Variants in SETD9 observed in about 807,000 individuals in gnomAD.
SETD9 encodes the protein SET domain-containing protein 9.
In SETD9, 37 loss-of-function variants were observed where a neutral mutation model predicts 36.4. The ratio of observed to expected loss-of-function variants is 1.02; its 90% CI spans 0.78 to 1.34. The LOEUF (loss-of-function observed/expected upper bound fraction) is 1.34, where lower values mean the gene tolerates loss of function less well. Among genes scored for constraint, SETD9 ranks in the 40% most tolerant of loss-of-function variants. SETD9 has a pLI of 0.00. For synonymous variants in SETD9, 128 were observed against 132.9 expected (o/e 0.96, Z 0.26); for missense variants, 323 against 353.2 (o/e 0.91, Z 0.69).
intron 2 of SETD9, among the ~76,000 whole-genome samples, chr5:56,912,605 A>G (rs1749195788): frequency 6.6e-6 from 1 of 152,214 alleles, no homozygotes; most frequent in Non-Finnish European, 1.5e-5. Context: ...AAGGAGAAAC[A>G]GCCTTAATGT....
intron 1 of SETD9, chr5:56,910,801 G>A (rs1299462479): frequency 5.5e-6 from 1 of 182,190 alleles, no homozygotes; most frequent in African/African-American, 2.4e-5. Flanking sequence ...CTTGGCTGTT[G>A]GGTGTAGTAC....
At chr5:56,918,995 AAAT>A (rs537960977), downstream of SETD9, among the ~76,000 whole-genome samples, 93 of 152,346 alleles carry the variant, frequency 6.1e-4, no homozygotes, top group Admixed American at 9.8e-4. Context: ...GTAGTCTGTC[AAAT>A]AATAATAATA....
Position 56,911,167 on chromosome 5 carries a change from A to G in SETD9, c.99-2A>G, listed in dbSNP as rs1579807174. On this transcript the variant is annotated splice_acceptor_variant, in intron 1 of 5. Transcript: ENST00000285947. LOFTEE classifies it high-confidence loss of function. Reference sequence around the variant, plus strand: ...GTGAATAGAAACTTTTCCCATTTTCAGGACCCTCCGATATGTTCCAGAGGA... The same window carrying G: ...GTGAATAGAAACTTTTCCCATTTTCGGGACCCTCCGATATGTTCCAGAGGA... 6.5e-7 allele frequency: 1 copy of G among 1,527,396 alleles called. No individual in the cohort carries two copies. The highest frequency in any genetic ancestry group is 8.8e-7 in the Non-Finnish European group (1 of 1,142,390). 94.6% of individuals were successfully genotyped at this position (1,527,396 alleles called of 1,614,324 possible). A position where few individuals can be genotyped will look rare whatever the true frequency, so the allele number is the denominator to read the frequency against.
At chr5:56,926,065 T>A (rs75022492), downstream of SETD9, among the ~76,000 whole-genome samples, 3,288 of 152,114 alleles carry the variant, frequency 0.022, 126 homozygotes, top group African/African-American at 0.076. Flanking sequence ...GAAATGAATC[T>A]AGACATAGAC....
intron 1 of SETD9, chr5:56,910,321 T>C: frequency 7.7e-7 from 1 of 1,304,288 alleles, no homozygotes. Flanking sequence ...GAGAATAGCG[T>C]GCAGTAGCTC....
At chr5:56,927,686 T>TA (rs544577286), downstream of SETD9, among the ~76,000 whole-genome samples, 154 of 152,252 alleles carry the variant, frequency 1.0e-3, no homozygotes, top group African/African-American at 3.1e-3. Flanking sequence ...GTGTATCTGT[T>TA]AAAAAAATCA....
rs764581243 is a variant in SETD9, at chr5:56,916,837, G to A, written c.835G>A (p.Val279Ile). 5 of 1,607,048 alleles carry A rather than the reference G, an allele frequency of 3.1e-6. No individual in the cohort carries two copies. The African/African-American group carries it at 5.4e-5, about 17-fold the overall frequency. Residue 279 changes from valine to isoleucine, a missense_variant, in exon 6 of 6, where the codon GTC becomes ATC. Val to Ile is a conservative substitution (Grantham distance 29). Coordinates refer to ENST00000285947, the MANE Select transcript of SETD9 (RefSeq NM_153706.4). ...KQSPLRCVVL[V>I]ALRDINQGEE... ...CAGCCCACTTCGATGTGTTGTTCTT[G>A]TCGCACTTAGGGACATCAATCAAGG...
chr5:56,923,372 A>G lies in SETD9; in HGVS notation c.813-1961A>G, dbSNP rs146937136. On this transcript the variant is annotated intron_variant, in intron 5 of 5. Coordinates refer to the SETD9 transcript ENST00000628593. ...TGGTCTCTCTGACTCTTCACTGCAC[A>G]TGTTCATAGGGTTTAGCTCCGAGTG... 5.0e-6 allele frequency: 8 copies of G among 1,614,172 alleles called. No individual in the cohort carries two copies. The African/African-American group carries it at 5.3e-5, about 11-fold the overall frequency.
At chr5:56,919,763 T>C (rs1749578380), downstream of SETD9, 1 of 152,624 alleles carries the variant, frequency 6.6e-6, no homozygotes, top group African/African-American at 2.4e-5. Context: ...GTTCTGATTG[T>C]CACTAATTTA....
Position 56,914,978 on chromosome 5 carries a change from A to G in SETD9, c.812+12A>G, listed in dbSNP as rs760742326. 4.5e-6 allele frequency: 7 copies of G among 1,570,476 alleles called. No individual in the cohort carries two copies. Among genetic ancestry groups the G allele is most frequent in the Non-Finnish European group, 6.1e-6 (7 of 1,148,368 alleles). On this transcript the variant is annotated intron_variant, in intron 5 of 5. Transcript: ENST00000285947. ...TATGACAAACAAAGGTTCGTTTGCT[A>G]AAAGAGCATTTCATATCTTCTGCTT... is the stretch of plus-strand genomic sequence containing the variant.
At chr5:56,910,393 G>C (rs754519925) in intron 1 of SETD9, 3 of 1,303,914 alleles carry the variant, frequency 2.3e-6, no homozygotes, top group South Asian at 1.2e-5. Flanking sequence ...TTTCGGATTG[G>C]GGTGAGTCCC....
At chr5:56,927,373 T>TA (rs1750043986), downstream of SETD9, among the ~76,000 whole-genome samples, 1 of 152,146 alleles carries the variant, frequency 6.6e-6, no homozygotes, top group African/African-American at 2.4e-5. Flanking sequence ...ACTTTCTGGT[T>TA]AACTTTGCTG....
downstream of SETD9, chr5:56,928,689 C>A: frequency 9.9e-7 from 1 of 1,006,290 alleles, no homozygotes; most frequent in South Asian, 1.6e-5. Context: ...TTCTTTTTTC[C>A]TACTTAAGTG....
At chr5:56,915,869 T>TGG (rs1200021987) in intron 5 of SETD9, among the ~76,000 whole-genome samples, 1 of 151,904 alleles carries the variant, frequency 6.6e-6, no homozygotes. Context: ...GAAGCTGAGG[T>TGG]GGGAGGATCC....
intron 3 of SETD9, 40 bp downstream of exon 3, chr5:56,913,174 G>T: frequency 1.9e-6 from 3 of 1,602,054 alleles, no homozygotes; most frequent in East Asian, 4.5e-5. Flanking sequence ...ATAGGAGACA[G>T]AACCGCACTT....
chr5:56,918,505 A>G (rs1020269352), downstream of SETD9, among the ~76,000 whole-genome samples: 1 of 152,216 alleles, frequency 6.6e-6, no homozygotes, highest in Non-Finnish European at 1.5e-5. Flanking sequence ...TAACAGATGT[A>G]CTAGATTATC....
chr5:56,917,513 T>C, downstream of SETD9, among the ~76,000 whole-genome samples: 1 of 152,218 alleles, frequency 6.6e-6, no homozygotes, highest in East Asian at 1.9e-4. Context: ...TCCCCGTGTC[T>C]CATGTCTTCA....
At chr5:56,913,705 A>C (rs1749275557) in intron 3 of SETD9, among the ~76,000 whole-genome samples, 169 bp from the exon 4 acceptor site, 1 of 151,688 alleles carries the variant, frequency 6.6e-6, no homozygotes, top group African/African-American at 2.4e-5. Flanking sequence ...TTTGAATAAA[A>C]TTCTGTTTAG....
chr5:56,928,678 GTTCT>G (rs1271695282), downstream of SETD9: 2 of 896,852 alleles, frequency 2.2e-6, no homozygotes, highest in Admixed American at 2.4e-5. Flanking sequence ...TTAGTAAGTT[GTTCT>G]TTTTTCCTAC....
Sources: allele counts gnomAD v4.1 joint callset (sites outside exome capture counted in the v4.1 genomes callset), GRCh38; gene constraint gnomAD v4.1.1; transcripts MANE v1.5; gene names NCBI Gene and HGNC (gene_info 2026-07-23, HGNC 2026-07-21).